Variants in TTC6 observed in about 807,000 individuals in gnomAD.
TTC6 encodes tetratricopeptide repeat domain 6, also known as tetratricopeptide repeat protein 6.
TTC6 carries 172 observed loss-of-function variants against 210.4 expected under a neutral mutation model. That is an observed-to-expected ratio of 0.82 (90% CI 0.72 to 0.93). The LOEUF is 0.93. TTC6 is among the 40% of genes least tolerant of loss of function. TTC6 has a pLI of 0.00. For missense variants in TTC6, 2,414 were observed against 2,318.1 expected, an observed-to-expected ratio of 1.04 and a Z score of -0.85; for synonymous variants, 804 against 819.6, an observed-to-expected ratio of 0.98 and a Z score of 0.32.
chr14:37,693,454 A>G (rs545497493), intron 3 of TTC6, among the ~76,000 whole-genome samples: 2 of 152,286 alleles, frequency 1.3e-5, no homozygotes, highest in East Asian at 3.9e-4. Flanking sequence ...AAAGCATTCT[A>G]CAGATTCAAT....
chr14:37,774,319 G>A (rs2096030345), intron 14 of TTC6, among the ~76,000 whole-genome samples: 1 of 151,904 alleles, frequency 6.6e-6, no homozygotes, highest in South Asian at 2.1e-4. Flanking sequence ...GGTGAGAGAG[G>A]GCATACTTGT....
intron 1 of TTC6, among the ~76,000 whole-genome samples, chr14:37,628,225 G>C (rs1263150229): frequency 6.6e-6 from 1 of 152,124 alleles, no homozygotes; most frequent in Non-Finnish European, 1.5e-5. Context: ...CGCCCACCTT[G>C]GTCTCCCAAA....
chr14:37,798,203 T>C (rs1483807236), intron 20 of TTC6, among the ~76,000 whole-genome samples: 2 of 152,122 alleles, frequency 1.3e-5, no homozygotes, highest in Admixed American at 1.3e-4. Flanking sequence ...TCTTGAGATT[T>C]TGAATCTTGA....
rs1330310112 is a variant in TTC6, at chr14:37,835,857, T to C, written c.5299-5588T>C. ...TCTCTCTATACGGATTCAATACTGCTTTATGTCATGCAGTTGTTTCTGTGT... is the reference window on the plus strand; with the variant it reads ...TCTCTCTATACGGATTCAATACTGCCTTATGTCATGCAGTTGTTTCTGTGT... On this transcript the variant is annotated intron_variant, in intron 29 of 30. Coordinates refer to ENST00000553443, the Ensembl canonical transcript of TTC6. Among the ~76,000 whole-genome samples, 3 of 152,184 alleles carry C rather than the reference T, an allele frequency of 2.0e-5. No individual in the cohort carries two copies. The East Asian group carries it at 5.8e-4, about 29-fold the overall frequency.
chr14:37,718,495 C>T (rs2095856226), intron 6 of TTC6, among the ~76,000 whole-genome samples: 1 of 152,120 alleles, frequency 6.6e-6, no homozygotes, highest in Non-Finnish European at 1.5e-5. Context: ...TGTTTCCCCA[C>T]ACCACTCTTA....
At chr14:37,740,056 C>T (rs1049903564) in intron 10 of TTC6, among the ~76,000 whole-genome samples, 12 of 149,616 alleles carry the variant, frequency 8.0e-5, no homozygotes, top group Non-Finnish European at 1.5e-4. Context: ...CCCAGCTGTT[C>T]GGGAGGCTGA....
intron 14 of TTC6, among the ~76,000 whole-genome samples, chr14:37,773,450 G>A (rs2096026936): frequency 6.6e-6 from 1 of 152,132 alleles, no homozygotes; most frequent in Admixed American, 6.5e-5. Context: ...ATACTGTAAG[G>A]TAGGGGTTTC....
intron 7 of TTC6, among the ~76,000 whole-genome samples, chr14:37,733,503 T>A (rs1477935117): frequency 2.0e-5 from 3 of 152,210 alleles, no homozygotes; most frequent in African/African-American, 7.2e-5. Context: ...CTGAGTATAA[T>A]ATATTGGCAG....
intron 5 of TTC6, 126 bp from the exon 8 acceptor site, chr14:37,714,529 A>G (rs2095849403): frequency 4.8e-6 from 3 of 630,106 alleles, no homozygotes; most frequent in Admixed American, 3.4e-5. Context: ...CTTCTACACA[A>G]TCTCTGTTTA....
intron 27 of TTC6, among the ~76,000 whole-genome samples, chr14:37,825,807 A>C (rs2096169685): frequency 6.6e-6 from 1 of 152,184 alleles, no homozygotes; most frequent in South Asian, 2.1e-4. Context: ...TATTATCTAT[A>C]ACTGGAGATT....
intron 1 of TTC6, among the ~76,000 whole-genome samples, chr14:37,604,409 G>T (rs2095621353): frequency 6.6e-6 from 1 of 152,138 alleles, no homozygotes; most frequent in African/African-American, 2.4e-5. Context: ...CTACCCTTTA[G>T]GTCCTTCTGA....
intron 1 of TTC6, among the ~76,000 whole-genome samples, chr14:37,636,214 C>G (rs1344673540): frequency 1.3e-5 from 2 of 152,066 alleles, no homozygotes; most frequent in East Asian, 3.9e-4. Context: ...GGTAGAAAAA[C>G]TAGACAGAAG....
In TTC6 at chr14:37,826,062, G is replaced by T; in HGVS notation, c.4975-133G>T. 5 of 899,624 alleles carry T rather than the reference G, an allele frequency of 5.6e-6. No individual in the cohort carries two copies. In the East Asian group the frequency reaches 1.1e-4, roughly 20 times the overall value. 55.7% of individuals were successfully genotyped at this position (899,624 alleles called of 1,614,324 possible). A position where few individuals can be genotyped will look rare whatever the true frequency, so the allele number is the denominator to read the frequency against. ...ATGCATTCAGTATGCCTACTTTCTGGTTTGAAAGAACTTAGATTTAGCATG... is the reference window on the plus strand; with the variant it reads ...ATGCATTCAGTATGCCTACTTTCTGTTTTGAAAGAACTTAGATTTAGCATG... On this transcript the variant is annotated intron_variant, in intron 27 of 30. Transcript: ENST00000553443.
rs561108902 is a variant in TTC6 at position 37,762,862 on chromosome 14, T to C, written c.3266+9627T>C. 2.7e-5 allele frequency among the ~76,000 whole-genome samples: 4 copies of C among 150,720 alleles called. No individual in the cohort carries two copies. In the South Asian group the frequency reaches 8.4e-4, roughly 32 times the overall value. Reference sequence around the variant, plus strand: ...TGATCGTAGTGTATCTTTCTTTTTCTTTTTCTTTTCTTTTCTTTTCTTTTT... The same window carrying C: ...TGATCGTAGTGTATCTTTCTTTTTCCTTTTCTTTTCTTTTCTTTTCTTTTT... On this transcript the variant is annotated intron_variant, in intron 14 of 30. Transcript: ENST00000553443.
At chr14:37,710,807 G>A (rs2095843404) in intron 5 of TTC6, among the ~76,000 whole-genome samples, 1 of 152,124 alleles carries the variant, frequency 6.6e-6, no homozygotes, top group African/African-American at 2.4e-5. Context: ...TTTCATAAGT[G>A]TATCAATTCC....
chr14:37,701,237 C>A, intron 4 of TTC6, 95 bp from the exon 7 acceptor site: 1 of 860,184 alleles, frequency 1.2e-6, no homozygotes, highest in South Asian at 3.4e-5. Flanking sequence ...TTATGTATGT[C>A]TTTAGAACCT....
At chr14:37,806,835 A>G (rs1410844419) in intron 22 of TTC6, among the ~76,000 whole-genome samples, 1 of 152,192 alleles carries the variant, frequency 6.6e-6, no homozygotes, top group Non-Finnish European at 1.5e-5. Context: ...GCCTTTTAAT[A>G]GACTATACAG....
chr14:37,786,432 G>A (rs545512859), intron 14 of TTC6, among the ~76,000 whole-genome samples: 1 of 152,200 alleles, frequency 6.6e-6, no homozygotes, highest in Non-Finnish European at 1.5e-5. Context: ...AGCCAGGTGC[G>A]GGATATAATC....
At chr14:37,619,896 C>T (rs1476422554), upstream of TTC6, among the ~76,000 whole-genome samples, 1 of 151,848 alleles carries the variant, frequency 6.6e-6, no homozygotes, top group Admixed American at 6.6e-5. Context: ...TGGCATGAAA[C>T]CAAACCAGTA....
Sources: allele counts gnomAD v4.1 joint callset (sites outside exome capture counted in the v4.1 genomes callset), GRCh38; gene constraint gnomAD v4.1.1; transcripts MANE v1.5; gene names NCBI Gene and HGNC (gene_info 2026-07-23, HGNC 2026-07-21).